Variants in PRKCA observed in about 807,000 individuals in gnomAD.
PRKCA encodes the protein protein kinase C alpha type.
In PRKCA, 27 loss-of-function variants were observed where a neutral mutation model predicts 87.0. That is an observed-to-expected ratio of 0.31 (90% CI 0.23 to 0.43). The LOEUF is 0.43. Among genes scored for constraint, PRKCA ranks in the 20% least tolerant of loss-of-function variants. The pLI is 1.00. For missense variants in PRKCA, 518 were observed against 852.3 expected, an observed-to-expected ratio of 0.61 and a Z score of 4.88; for synonymous variants, 329 against 311.1, an observed-to-expected ratio of 1.06 and a Z score of -0.61.
intron 8 of PRKCA, among the ~76,000 whole-genome samples, chr17:66,713,733 G>T (rs969316441): frequency 7.9e-5 from 12 of 152,176 alleles, no homozygotes; most frequent in African/African-American, 2.7e-4. Flanking sequence ...GCTTGGTCAT[G>T]AGCTAATCTT....
At chr17:66,389,531 A>G (rs1236677261) in intron 2 of PRKCA, among the ~76,000 whole-genome samples, 2 of 152,194 alleles carry the variant, frequency 1.3e-5, no homozygotes, top group Non-Finnish European at 1.5e-5. Flanking sequence ...TCTGGTTTCT[A>G]TGGGGCCCTC....
intron 3 of PRKCA, among the ~76,000 whole-genome samples, chr17:66,517,623 A>G (rs902776218): frequency 6.6e-6 from 1 of 152,232 alleles, no homozygotes; most frequent in Non-Finnish European, 1.5e-5. Context: ...CCTTGACGTT[A>G]GACAGAATTT....
chr17:66,662,401 G>A (rs1473134877), intron 5 of PRKCA, among the ~76,000 whole-genome samples: 1 of 152,112 alleles, frequency 6.6e-6, no homozygotes, highest in East Asian at 1.9e-4. Flanking sequence ...TTCAGTGATG[G>A]CTTTAGCGCC....
intron 2 of PRKCA, among the ~76,000 whole-genome samples, chr17:66,493,418 A>C (rs1191728877): frequency 6.6e-6 from 1 of 151,948 alleles, no homozygotes; most frequent in Non-Finnish European, 1.5e-5. Context: ...AAATCCTGCC[A>C]GTGCATATGA....
At chr17:66,470,853 C>G (rs1250124960) in intron 2 of PRKCA, among the ~76,000 whole-genome samples, 1 of 152,206 alleles carries the variant, frequency 6.6e-6, no homozygotes, top group African/African-American at 2.4e-5. Flanking sequence ...AAATCGGCTT[C>G]CGCCCTTGTA....
intron 8 of PRKCA, among the ~76,000 whole-genome samples, chr17:66,723,614 T>G (rs1175174548): frequency 6.9e-6 from 1 of 144,576 alleles, no homozygotes; most frequent in East Asian, 2.1e-4. Context: ...GTGAACAGAG[T>G]GAGACTCCGT....
At chr17:66,613,949 A>G (rs531143158) in intron 3 of PRKCA, among the ~76,000 whole-genome samples, 22 of 151,652 alleles carry the variant, frequency 1.5e-4, no homozygotes, top group African/African-American at 5.3e-4. Context: ...CACCCAGCTA[A>G]TTTTTGTATT....
At chr17:66,487,529 G>T (rs1194542059) in intron 2 of PRKCA, among the ~76,000 whole-genome samples, 1 of 152,178 alleles carries the variant, frequency 6.6e-6, no homozygotes, top group Non-Finnish European at 1.5e-5. Context: ...TCTTTCTGAT[G>T]TATACGCAGC....
intron 2 of PRKCA, among the ~76,000 whole-genome samples, chr17:66,444,322 C>T (rs1913923316): frequency 6.6e-6 from 1 of 152,154 alleles, no homozygotes; most frequent in African/African-American, 2.4e-5. Context: ...CATGGAATCC[C>T]AGATGTGTGT....
chr17:66,623,368 G>T (rs1214555775), intron 3 of PRKCA, among the ~76,000 whole-genome samples: 1 of 152,172 alleles, frequency 6.6e-6, no homozygotes, highest in Non-Finnish European at 1.5e-5. Context: ...AGCCTGATTT[G>T]CAAAGTAACT....
At chr17:66,435,815 AT>A (rs1177511850) in intron 2 of PRKCA, among the ~76,000 whole-genome samples, 2 of 152,160 alleles carry the variant, frequency 1.3e-5, no homozygotes, top group Non-Finnish European at 2.9e-5. Context: ...AGGTTTCCAG[AT>A]AGAGAGGATG....
chr17:66,650,668 C>T lies in PRKCA; in HGVS notation c.529+5157C>T, dbSNP rs1045541426. On this transcript the variant is annotated intron_variant, in intron 5 of 16. Coordinates refer to ENST00000413366, the MANE Select transcript of PRKCA (RefSeq NM_002737.3). ...GGGGAAGACTTCCTCCCAGCTCTTACGGCCCAGAGACTCCTCCTGCCTACC... is the reference window on the plus strand; with the variant it reads ...GGGGAAGACTTCCTCCCAGCTCTTATGGCCCAGAGACTCCTCCTGCCTACC... Among the ~76,000 whole-genome samples, 8 of 152,014 alleles carry T rather than the reference C, an allele frequency of 5.3e-5. 1 individual carries two copies. Among genetic ancestry groups the T allele is most frequent in the South Asian group, 4.1e-4 (2 of 4,822 alleles).
intron 8 of PRKCA, among the ~76,000 whole-genome samples, chr17:66,719,936 A>G (rs985463109): frequency 3.9e-5 from 6 of 152,244 alleles, no homozygotes; most frequent in East Asian, 3.8e-4. Context: ...AAAATGTTAT[A>G]TGAAAAGCTG....
intron 2 of PRKCA, among the ~76,000 whole-genome samples, chr17:66,308,196 A>G (rs193209726): frequency 2.2e-4 from 33 of 152,312 alleles, no homozygotes; most frequent in African/African-American, 7.9e-4. Flanking sequence ...GTATGTGTGC[A>G]TCTTACATTT....
chr17:66,664,654 T>G (rs1381167909), intron 5 of PRKCA, among the ~76,000 whole-genome samples: 49 of 139,214 alleles, frequency 3.5e-4, no homozygotes, highest in African/African-American at 9.7e-4. Context: ...TTGGTTTTTT[T>G]TTTTTTTTTT....
chr17:66,377,734 T>A (rs1235631961), intron 2 of PRKCA, among the ~76,000 whole-genome samples: 1 of 138,062 alleles, frequency 7.2e-6, no homozygotes, highest in African/African-American at 2.6e-5. Context: ...TTTTTTTTTT[T>A]TTTTTTTTGA....
chr17:66,798,413 A>G (rs142843004), intron 16 of PRKCA, among the ~76,000 whole-genome samples: 13,597 of 48,078 alleles, frequency 0.28, 763 homozygotes, highest in South Asian at 0.32. Flanking sequence ...GGTGATGGTG[A>G]TGGTGGTGGT....
Position 66,786,908 on chromosome 17 carries a change from T to C in PRKCA, c.1647T>C (p.Ser549=), listed in dbSNP as rs913907287. The C allele has an allele frequency of 3.1e-6, 5 of 1,614,224 alleles. No individual in the cohort carries two copies. The highest frequency in any genetic ancestry group is 4.2e-6 in the Non-Finnish European group (5 of 1,180,028). ...AAGATGAAGACGAGCTATTTCAGTC[T>C]ATCATGGAGCACAACGTTTCCTATC... The part of the protein sequence containing the change: ...DGEDEDELFQ[S]IMEHNVSYPK... Residue 549 remains serine (S), a synonymous_variant, in exon 15 of 17, where the codon TCT becomes TCC. Coordinates refer to ENST00000413366, the MANE Select transcript of PRKCA (RefSeq NM_002737.3).
chr17:66,428,077 T>C lies in PRKCA; in HGVS notation c.206-68124T>C, dbSNP rs560826830. On this transcript the variant is annotated intron_variant, in intron 2 of 16. Coordinates refer to ENST00000413366, the MANE Select transcript of PRKCA (RefSeq NM_002737.3). ...GGTTTGACTGATAGCCCCTTACTTG[T>C]ATGATTTTTTTCTCATCGTAAATGG... Among the ~76,000 whole-genome samples, 7 of 152,316 alleles carry C rather than the reference T, an allele frequency of 4.6e-5. No individual in the cohort carries two copies. In the South Asian group the frequency reaches 1.5e-3, roughly 32 times the overall value.
Sources: gnomAD v4.1 joint callset for allele counts (sites outside exome capture counted in the v4.1 genomes callset) on GRCh38, gnomAD v4.1.1 for gene constraint, MANE v1.5 for transcripts, NCBI Gene and HGNC (gene_info 2026-07-23, HGNC 2026-07-21) for gene names.